The following SI variants were observed in gnomAD, a reference collection of about 807,000 sequenced individuals.
SI encodes sucrase-isomaltase, intestinal.
Under a neutral mutation model 253.3 loss-of-function variants are expected in SI, and 235 were observed. The observed-to-expected ratio is 0.93, with a 90% CI of 0.83 to 1.03. SI has a LOEUF of 1.03. Among genes scored for constraint, SI ranks in the 50% least tolerant of loss-of-function variants. The pLI, the probability that SI is intolerant of heterozygous loss-of-function variation, is 0.00. For synonymous variants in SI, 819 were observed against 712.0 expected (o/e 1.15, Z -2.39); for missense variants, 2,442 against 2,211.1 (o/e 1.10, Z -2.09).
rs180926396 is a variant in SI, at chr3:165,028,986, C to A, written c.2892+1726G>T. 4.4e-3 allele frequency among the ~76,000 whole-genome samples: 663 copies of A among 151,578 alleles called. 20 individuals are homozygous for A. The highest frequency in any genetic ancestry group is 0.041 in the Admixed American group (617 of 15,122). On this transcript the variant is annotated intron_variant, in intron 25 of 47. Transcript: ENST00000264382. ...AGGAACAGTCAGCAGAGTAAACAGA[C>A]AACCCACAGAGTGGGAGAAAATCTT...
chr3:165,016,111 C>CA, intron 31 of SI, 31 bp from the exon 32 acceptor site: 1 of 1,579,740 alleles, frequency 6.3e-7, no homozygotes. Flanking sequence ...CAAAGTAGGG[C>CA]AAAAAATACA....
chr3:165,070,809 T>TA (rs963739010), intron 3 of SI, among the ~76,000 whole-genome samples: 1 of 152,036 alleles, frequency 6.6e-6, no homozygotes, highest in Non-Finnish European at 1.5e-5. Flanking sequence ...AAAGGTGACT[T>TA]AAAGCAACAG....
At chr3:165,045,937 G>A (rs574935992) in intron 16 of SI, among the ~76,000 whole-genome samples, 1 of 148,766 alleles carries the variant, frequency 6.7e-6, no homozygotes, top group East Asian at 2.0e-4. Flanking sequence ...AGGTTCAAAC[G>A]ATTCTCCTGC....
intron 3 of SI, among the ~76,000 whole-genome samples, chr3:165,073,170 T>TTCTCTCTCTCTC: frequency 7.6e-6 from 1 of 132,032 alleles, no homozygotes; most frequent in East Asian, 2.2e-4. Context: ...CTTCAATCAT[T>TTCTCTCTCTCTC]TCTCTCTCTC....
chr3:165,007,682 T>C (rs1718577545), intron 36 of SI, among the ~76,000 whole-genome samples: 1 of 151,404 alleles, frequency 6.6e-6, no homozygotes, highest in Non-Finnish European at 1.5e-5. Context: ...TTAAATAATA[T>C]TGGTAATGGG....
chr3:164,984,159 T>C (rs991257929), intron 45 of SI, among the ~76,000 whole-genome samples: 21 of 152,216 alleles, frequency 1.4e-4, no homozygotes, highest in African/African-American at 4.3e-4. Flanking sequence ...TGTGTTTTTA[T>C]GTAAAAAAAC....
At chr3:165,018,148 T>C (rs1045473672) in intron 28 of SI, 82 bp from the exon 29 acceptor site, 2 of 842,134 alleles carry the variant, frequency 2.4e-6, no homozygotes, top group African/African-American at 3.4e-5. Context: ...AAATTTATTA[T>C]ACAATCGAGA....
In SI at chr3:165,015,123, C is replaced by T. The variant is rs932456925; in HGVS notation, c.3999G>A (p.Lys1333=). Reference sequence around the variant, plus strand: ...CTATTTCAAGATATCGATTTAGTACCTTTGCCCAACAAATGTCATTGGTGT... The same window carrying T: ...CTATTTCAAGATATCGATTTAGTACTTTTGCCCAACAAATGTCATTGGTGT... ...WPNTNDICWA[K]VWPDLPNITI... The change falls in exon 33 of 48, where the codon AAG becomes AAA. Residue 1333 remains lysine, a splice_region_variant and synonymous_variant. Transcript: ENST00000264382. The T allele has an allele frequency of 1.2e-6, 2 of 1,603,522 alleles. No homozygotes were observed. The highest frequency in any genetic ancestry group is 8.5e-7 in the Non-Finnish European group (1 of 1,170,724).
chr3:165,065,494 T>TATATATATATATATATATGA (rs10530690), intron 6 of SI, 62 bp from the exon 7 acceptor site: 1 of 268,180 alleles, frequency 3.7e-6, no homozygotes, highest in Non-Finnish European at 6.1e-6. Context: ...TATATATATA[T>TATATATATATATATATATGA]GATATTCTAC....
rs1713339699 is a variant in SI at position 165,049,893 on chromosome 3, G to A, written c.1513-18C>T. The A allele has an allele frequency of 2.1e-6, 3 of 1,445,058 alleles. No homozygotes were observed. The Admixed American group carries it at 5.0e-5, about 24-fold the overall frequency. The allele number at this position is 1,445,058 out of a possible 1,614,324, so 89.5% of individuals were successfully genotyped here. A position where few individuals can be genotyped will look rare whatever the true frequency, so the allele number is the denominator to read the frequency against. ...TTCATGTCCTGAATGGATACAAAATGAAGAACAGCAGATTTTACATAATTA... is the reference window on the plus strand; with the variant it reads ...TTCATGTCCTGAATGGATACAAAATAAAGAACAGCAGATTTTACATAATTA... On this transcript the variant is annotated intron_variant, in intron 13 of 47. Coordinates refer to ENST00000264382, the MANE Select transcript of SI (RefSeq NM_001041.4).
At chr3:164,985,237 A>C (rs1717383523) in intron 45 of SI, among the ~76,000 whole-genome samples, 1 of 152,164 alleles carries the variant, frequency 6.6e-6, no homozygotes, top group African/African-American at 2.4e-5. Context: ...CTAACTGATG[A>C]AATGAATTAA....
intron 9 of SI, 64 bp downstream of exon 9, chr3:165,062,307 G>A (rs1714024610): frequency 3.7e-6 from 3 of 802,360 alleles, no homozygotes; most frequent in Non-Finnish European, 4.4e-6. Context: ...ATCTAAATAT[G>A]TGGTCATGTT....
At chr3:165,016,140 A>C in intron 31 of SI, 60 bp from the exon 32 acceptor site, 1 of 1,424,046 alleles carries the variant, frequency 7.0e-7, no homozygotes, top group Non-Finnish European at 9.9e-7. Context: ...AGTGTATCAT[A>C]TTTTATCATA....
At chr3:165,059,602 A>T (rs1221997021) in intron 10 of SI, among the ~76,000 whole-genome samples, 2 of 151,974 alleles carry the variant, frequency 1.3e-5, no homozygotes, top group East Asian at 1.9e-4. Context: ...AAAATTTTTT[A>T]AAAATATGTA....
Position 164,987,225 on chromosome 3 carries a change from G to T in SI, c.5110C>A (p.Arg1704=). The T allele has an allele frequency of 6.2e-7, 1 of 1,611,512 alleles. No individual in the cohort carries two copies. Among genetic ancestry groups the T allele is most frequent in the Non-Finnish European group, 8.5e-7 (1 of 1,178,018 alleles). The change falls in exon 45 of 48, where the codon CGA becomes AGA. Residue 1704 remains arginine (R), a splice_region_variant and synonymous_variant. Coordinates refer to ENST00000264382, the MANE Select transcript of SI (RefSeq NM_001041.4). ...ACAATGAGCTTCATGTGTTTTTGTC[G>T]ACTATAAGAAAGAAATATATAATTT... is the stretch of plus-strand genomic sequence containing the variant. ...QEPAQNTFYS[R]QKHMKLIVAA...
Position 164,998,607 on chromosome 3 carries a change from T to C in SI, c.4473A>G (p.Gly1491=). ...VISRSTYPTS[G]RWGGHWLGDN... ...CTCCAAGCCAGTGTCCTCCCCATCG[T>C]CCACTAGTAGGATACGTGGAACGAG... Residue 1491 remains glycine (G), a synonymous_variant, in exon 38 of 48, where the codon GGA becomes GGG. Coordinates refer to ENST00000264382, the MANE Select transcript of SI (RefSeq NM_001041.4). 1 of 1,611,952 alleles carries C rather than the reference T, an allele frequency of 6.2e-7. No homozygotes were observed. The highest frequency in any genetic ancestry group is 1.7e-5 in the Admixed American group (1 of 59,780).
At chr3:165,019,867 C>G in intron 27 of SI, 97 bp from the exon 28 acceptor site, 1 of 1,115,742 alleles carries the variant, frequency 9.0e-7, no homozygotes, top group Non-Finnish European at 1.3e-6. Flanking sequence ...ATCTAAAAAT[C>G]AATATTATTT....
intron 28 of SI, among the ~76,000 whole-genome samples, chr3:165,019,187 C>A (rs1164681053): frequency 2.6e-5 from 4 of 151,682 alleles, no homozygotes; most frequent in African/African-American, 7.3e-5. Flanking sequence ...AGTTACCCAA[C>A]TGCAACTGAA....
chr3:164,994,160 C>A (rs1013129423), intron 41 of SI, 97 bp downstream of exon 41: 3 of 1,115,062 alleles, frequency 2.7e-6, no homozygotes, highest in Non-Finnish European at 4.0e-6. Flanking sequence ...GAAAAACTGC[C>A]AATCTAAAAT....
Sources: allele counts gnomAD v4.1 joint callset (sites outside exome capture counted in the v4.1 genomes callset), GRCh38; gene constraint gnomAD v4.1.1; transcripts MANE v1.5; gene names NCBI Gene and HGNC (gene_info 2026-07-23, HGNC 2026-07-21).